The following THEMIS variants were observed in gnomAD, a reference collection of about 807,000 sequenced individuals.
THEMIS encodes the protein thymocyte selection associated, also known as protein THEMIS.
THEMIS carries 37 observed loss-of-function variants against 52.6 expected under a neutral mutation model. The observed-to-expected ratio is 0.70, with a 90% CI of 0.54 to 0.93. The LOEUF (loss-of-function observed/expected upper bound fraction) is 0.93. Among genes scored for constraint, THEMIS ranks in the 40% least tolerant of loss-of-function variants. THEMIS has a pLI of 0.00. For synonymous variants in THEMIS, 292 were observed against 272.7 expected, an observed-to-expected ratio of 1.07 and a Z score of -0.70; for missense variants, 808 against 763.1, an observed-to-expected ratio of 1.06 and a Z score of -0.69.
intron 1 of THEMIS, among the ~76,000 whole-genome samples, chr6:127,897,824 T>C (rs2114494459): frequency 6.6e-6 from 1 of 151,784 alleles, no homozygotes; most frequent in East Asian, 1.9e-4. Flanking sequence ...GGCACACATG[T>C]ACAAGAATTT....
chr6:127,845,714 A>G (rs1439362714), intron 2 of THEMIS, among the ~76,000 whole-genome samples: 2 of 151,914 alleles, frequency 1.3e-5, no homozygotes, highest in African/African-American at 4.8e-5. Context: ...AGCACTTGCC[A>G]AAAATAATAA....
In THEMIS at chr6:127,829,713, G is replaced by T. The variant is rs750163137; in HGVS notation, c.472C>A (p.His158Asn). The stretch of plus-strand genomic sequence containing the variant: ...GGCAAATTAAATGAGTGAGTTTGAT[G>T]ATTCCTTGCTACTGCACAGCTCACC... ...IMVSCAVARN[H>N]QTHSFNLPLS... Residue 158 changes from histidine (H) to asparagine (N), a missense_variant, in exon 3 of 6, where the codon CAT (histidine) becomes AAT (asparagine). Coordinates refer to ENST00000368248, the MANE Select transcript of THEMIS (RefSeq NM_001010923.3). 1.2e-6 allele frequency: 2 copies of T among 1,614,084 alleles called. No individual in the cohort carries two copies. The highest frequency in any genetic ancestry group is 8.5e-7 in the Non-Finnish European group (1 of 1,180,004).
At chr6:127,884,170 G>C (rs552519671) in intron 1 of THEMIS, among the ~76,000 whole-genome samples, 1 of 152,064 alleles carries the variant, frequency 6.6e-6, no homozygotes, top group Non-Finnish European at 1.5e-5. Flanking sequence ...CTAGTTGTTT[G>C]GTTTGTTTGT....
intron 1 of THEMIS, among the ~76,000 whole-genome samples, chr6:127,888,160 T>A (rs1225724676): frequency 6.6e-6 from 1 of 152,018 alleles, no homozygotes; most frequent in East Asian, 1.9e-4. Context: ...AAGTGGCTAG[T>A]ATGGCTAGGA....
rs375323991 is a variant in THEMIS at position 127,806,349 on chromosome 6, G to A, written c.1758+6534C>T. ...TAAAAAAGTAATACTCAGTAACACCGAAAATATGACATCACATATTTGGTG... is the reference window on the plus strand; with the variant it reads ...TAAAAAAGTAATACTCAGTAACACCAAAAATATGACATCACATATTTGGTG... On this transcript the variant is annotated intron_variant, in intron 4 of 5. Coordinates refer to ENST00000368248, the MANE Select transcript of THEMIS (RefSeq NM_001010923.3). Among the ~76,000 whole-genome samples the A allele has an allele frequency of 6.1e-4, 92 of 152,030 alleles. 1 individual carries two copies. The South Asian group carries it at 0.017, about 28-fold the overall frequency.
chr6:127,899,262 C>T (rs1002874425), intron 1 of THEMIS, among the ~76,000 whole-genome samples: 1 of 151,586 alleles, frequency 6.6e-6, no homozygotes, highest in African/African-American at 2.4e-5. Flanking sequence ...TCTATAAAAA[C>T]ATTTTTAAAG....
At chr6:127,774,362 T>C (rs1029161203) in intron 4 of THEMIS, among the ~76,000 whole-genome samples, 2 of 152,190 alleles carry the variant, frequency 1.3e-5, no homozygotes, top group Non-Finnish European at 2.9e-5. Context: ...CCAGCCACCA[T>C]GCCCAGCTAA....
intron 4 of THEMIS, among the ~76,000 whole-genome samples, chr6:127,765,533 C>T (rs2114408922): frequency 6.6e-6 from 1 of 152,198 alleles, no homozygotes; most frequent in South Asian, 2.1e-4. Context: ...ATGTAAGGAA[C>T]TACTACTCGA....
chr6:127,839,732 A>G (rs1364166336), intron 2 of THEMIS, among the ~76,000 whole-genome samples: 2 of 152,036 alleles, frequency 1.3e-5, no homozygotes, highest in African/African-American at 4.8e-5. Flanking sequence ...ACTTACTCGC[A>G]ATTCTAGAAA....
chr6:127,776,745 G>T (rs1368010493), intron 4 of THEMIS, among the ~76,000 whole-genome samples: 2 of 152,128 alleles, frequency 1.3e-5, no homozygotes, highest in African/African-American at 4.8e-5. Flanking sequence ...ATAGATATTG[G>T]TTATACTTCT....
intron 4 of THEMIS, among the ~76,000 whole-genome samples, chr6:127,797,667 C>T (rs1777375297): frequency 6.6e-6 from 1 of 152,146 alleles, no homozygotes; most frequent in South Asian, 2.1e-4. Flanking sequence ...GGGAGAAGAA[C>T]CCAACATCTC....
At chr6:127,764,887 G>C (rs1776142851) in intron 4 of THEMIS, among the ~76,000 whole-genome samples, 4 of 151,940 alleles carry the variant, frequency 2.6e-5, no homozygotes, top group African/African-American at 9.7e-5. Context: ...TGCAGTAGGA[G>C]TTTATGCTTC....
intron 2 of THEMIS, among the ~76,000 whole-genome samples, chr6:127,848,189 C>G (rs1001399293): frequency 1.3e-5 from 2 of 149,368 alleles, no homozygotes; most frequent in Admixed American, 1.4e-4. Flanking sequence ...TTTTTTTGTC[C>G]TTGTGATAGT....
chr6:127,882,140 A>T (rs1237666645), intron 1 of THEMIS, among the ~76,000 whole-genome samples: 1 of 151,520 alleles, frequency 6.6e-6, no homozygotes, highest in African/African-American at 2.4e-5. Context: ...TTTTAACTTT[A>T]TGATGATGTG....
chr6:127,874,655 T>A (rs185390962), intron 1 of THEMIS, among the ~76,000 whole-genome samples: 222 of 152,340 alleles, frequency 1.5e-3, no homozygotes, highest in African/African-American at 5.3e-3. Flanking sequence ...TCAAGTGTAC[T>A]AAACTTCACA....
At chr6:127,901,210 C>A, upstream of THEMIS, 2 of 472,696 alleles carry the variant, frequency 4.2e-6, no homozygotes, top group Non-Finnish European at 7.6e-6. Context: ...GTGGGGTGAA[C>A]AGACACTGCC....
intron 4 of THEMIS, among the ~76,000 whole-genome samples, chr6:127,746,039 C>T (rs990889334): frequency 1.1e-4 from 16 of 151,860 alleles, no homozygotes; most frequent in South Asian, 2.1e-4. Context: ...GATATTAGTA[C>T]GCATGTTTAG....
chr6:127,843,467 T>G (rs1186530368), intron 2 of THEMIS, among the ~76,000 whole-genome samples: 1 of 152,016 alleles, frequency 6.6e-6, no homozygotes, highest in Non-Finnish European at 1.5e-5. Flanking sequence ...ATATCAGATT[T>G]TAAAGGGTTA....
At position 127,708,936 on chromosome 6, in the gene THEMIS, A is replaced by G. The variant is rs1327794128; in HGVS notation, c.*1049T>C. ...ACAAATTTTGTACAGAGTATGATCT[A>G]TGGATGAAGTTCAAGCATTACTATT... On this transcript the variant is annotated 3_prime_UTR_variant, in exon 6 of 6. Coordinates refer to ENST00000368248, the MANE Select transcript of THEMIS (RefSeq NM_001010923.3). 1 of 152,024 alleles carries G rather than the reference A, an allele frequency of 6.6e-6. No individual in the cohort carries two copies. The highest frequency in any genetic ancestry group is 2.4e-5 in the African/African-American group (1 of 41,432). 9.4% of individuals were successfully genotyped at this position (152,024 alleles called of 1,614,324 possible).
Sources: gnomAD v4.1 joint callset for allele counts (sites outside exome capture counted in the v4.1 genomes callset) on GRCh38, gnomAD v4.1.1 for gene constraint, MANE v1.5 for transcripts, NCBI Gene and HGNC (gene_info 2026-07-23, HGNC 2026-07-21) for gene names.